APBB1IP: variants seen among roughly 807,000 people sequenced by gnomAD.
APBB1IP encodes the protein amyloid beta A4 precursor protein-binding family B member 1-interacting protein.
Under a neutral mutation model 64.9 loss-of-function variants are expected in APBB1IP, and 27 were observed. The ratio of observed to expected loss-of-function variants is 0.42; its 90% CI spans 0.31 to 0.57. The LOEUF is 0.57. Ranked by LOEUF, APBB1IP falls within the 20% of genes least tolerant of loss-of-function variation. APBB1IP has a pLI of 0.20. For synonymous variants in APBB1IP, 392 were observed against 331.0 expected (o/e 1.18, Z -2.00); for missense variants, 812 against 845.5 (o/e 0.96, Z 0.49).
chr10:26,510,569 C>A (rs1422485294), intron 6 of APBB1IP, among the ~76,000 whole-genome samples: 6 of 151,896 alleles, frequency 4.0e-5, no homozygotes, highest in Non-Finnish European at 8.8e-5. Flanking sequence ...CTTGCCTCTA[C>A]AAAAAAATGA....
chr10:26,513,463 C>T (rs1836285990), intron 7 of APBB1IP, 76 bp from the exon 8 acceptor site: 6 of 1,551,574 alleles, frequency 3.9e-6, no homozygotes, highest in Non-Finnish European at 5.3e-6. Flanking sequence ...GAAGCATTAA[C>T]TCAATAATAG....
rs546739307 is a variant in APBB1IP at position 26,541,534 on chromosome 10, G to A, written c.1045-48G>A. The A allele has an allele frequency of 5.5e-6, 7 of 1,279,480 alleles. No homozygotes were observed. The African/African-American group carries it at 7.4e-5, about 14-fold the overall frequency. The allele number at this position is 1,279,480 out of a possible 1,614,324, so 79.3% of individuals were successfully genotyped here. On this transcript the variant is annotated intron_variant, in intron 10 of 14. Transcript: ENST00000376236. ...CTATGAAGGACAACTCTGGAAAATT[G>A]TTAACTGTCATCTCAGTTGAAGTTT...
At chr10:26,559,090 T>C (rs2132482522) in intron 11 of APBB1IP, among the ~76,000 whole-genome samples, 1 of 152,316 alleles carries the variant, frequency 6.6e-6, no homozygotes, top group African/African-American at 2.4e-5. Context: ...TTGGGAGTTA[T>C]AAACCCACAA....
chr10:26,467,808 A>G (rs917401030), intron 2 of APBB1IP, among the ~76,000 whole-genome samples: 1 of 152,230 alleles, frequency 6.6e-6, no homozygotes, highest in Non-Finnish European at 1.5e-5. Context: ...GAGAAAATGT[A>G]GAACCAAACC....
At position 26,560,926 on chromosome 10, in the gene APBB1IP, C is replaced by T. The variant is rs1376183654; in HGVS notation, c.1369+82C>T. The T allele has an allele frequency of 5.7e-6, 6 of 1,052,340 alleles. No homozygotes were observed. The Admixed American group carries it at 1.0e-4, about 18-fold the overall frequency. The allele number at this position is 1,052,340 out of a possible 1,614,324, so 65.2% of individuals were successfully genotyped here. A position where few individuals can be genotyped will look rare whatever the true frequency, so the allele number is the denominator to read the frequency against. ...AATGTATCCAATACATCTATACAAA[C>T]AGGACTTTGTACACAGCATTCAGAA... is the stretch of plus-strand genomic sequence containing the variant. On this transcript the variant is annotated intron_variant, in intron 13 of 14. Coordinates refer to ENST00000376236, the MANE Select transcript of APBB1IP (RefSeq NM_019043.4).
At chr10:26,463,879 T>A (rs1835620680) in intron 2 of APBB1IP, among the ~76,000 whole-genome samples, 1 of 152,200 alleles carries the variant, frequency 6.6e-6, no homozygotes. Context: ...TTTGTCCTAA[T>A]GTTCCCCGCC....
At chr10:26,514,763 G>A (rs1319137474) in intron 8 of APBB1IP, among the ~76,000 whole-genome samples, 2 of 151,938 alleles carry the variant, frequency 1.3e-5, no homozygotes, top group Non-Finnish European at 2.9e-5. Flanking sequence ...TATTTTCTGG[G>A]TTTTCCCTAG....
At chr10:26,557,247 A>C (rs776025308) in intron 11 of APBB1IP, among the ~76,000 whole-genome samples, 3 of 152,200 alleles carry the variant, frequency 2.0e-5, no homozygotes, top group Non-Finnish European at 4.4e-5. Flanking sequence ...CAGCCATTCA[A>C]AAGTGTTTGC....
At chr10:26,550,582 C>T (rs952614963) in intron 11 of APBB1IP, among the ~76,000 whole-genome samples, 2 of 151,984 alleles carry the variant, frequency 1.3e-5, no homozygotes, top group African/African-American at 4.8e-5. Flanking sequence ...TACTTTTCAG[C>T]TCTAGGATTT....
chr10:26,474,375 C>A (rs112162197), intron 2 of APBB1IP, among the ~76,000 whole-genome samples: 49 of 152,308 alleles, frequency 3.2e-4, no homozygotes, highest in African/African-American at 1.1e-3. Context: ...CCCCTCTGGG[C>A]TCCTGGAAGT....
intron 11 of APBB1IP, among the ~76,000 whole-genome samples, chr10:26,547,183 G>C (rs985475214): frequency 1.3e-5 from 2 of 152,136 alleles, no homozygotes; most frequent in Non-Finnish European, 2.9e-5. Flanking sequence ...TATTGGCCCT[G>C]TGTATGTCTT....
chr10:26,452,200 A>T (rs1432790950), intron 2 of APBB1IP, among the ~76,000 whole-genome samples: 1 of 152,242 alleles, frequency 6.6e-6, no homozygotes, highest in African/African-American at 2.4e-5. Flanking sequence ...AAACCTTAAA[A>T]AGGTGTTCCA....
intron 2 of APBB1IP, among the ~76,000 whole-genome samples, chr10:26,440,716 C>G (rs1363616027): frequency 1.3e-5 from 2 of 151,986 alleles, no homozygotes; most frequent in African/African-American, 4.8e-5. Context: ...ATTTTTATAT[C>G]CTAAGAATGT....
At position 26,492,440 on chromosome 10, in the gene APBB1IP, A is replaced by T. The variant is rs377099897; in HGVS notation, c.72+42A>T. On this transcript the variant is annotated intron_variant, in intron 3 of 14. Transcript: ENST00000376236. Reference sequence around the variant, plus strand: ...AACTGGCAAATTGGAAAACAAAAATAGAGTTGCAGAATTTCATTGTAATAT... The same window carrying T: ...AACTGGCAAATTGGAAAACAAAAATTGAGTTGCAGAATTTCATTGTAATAT... The T allele has an allele frequency of 1.4e-3, 2,232 of 1,570,850 alleles. 41 individuals are homozygous for T. The South Asian group carries it at 0.023, about 16-fold the overall frequency.
At chr10:26,469,819 T>C (rs1199451870) in intron 2 of APBB1IP, among the ~76,000 whole-genome samples, 1 of 152,222 alleles carries the variant, frequency 6.6e-6, no homozygotes, top group Non-Finnish European at 1.5e-5. Flanking sequence ...TCTATATCCA[T>C]GAGTACGTGA....
intron 2 of APBB1IP, among the ~76,000 whole-genome samples, chr10:26,485,885 A>G (rs192183151): frequency 6.6e-6 from 1 of 152,246 alleles, no homozygotes; most frequent in Admixed American, 6.5e-5. Flanking sequence ...TTTAAAGGGA[A>G]TAGCATATAC....
chr10:26,492,178 A>T, intron 2 of APBB1IP, 149 bp from the exon 3 acceptor site: 1 of 583,206 alleles, frequency 1.7e-6, no homozygotes, highest in Non-Finnish European at 3.0e-6. Flanking sequence ...ATGAAATTTC[A>T]GGCTAACATA....
chr10:26,527,844 C>T (rs1410593707), intron 8 of APBB1IP, among the ~76,000 whole-genome samples: 1 of 152,006 alleles, frequency 6.6e-6, no homozygotes, highest in Admixed American at 6.6e-5. Context: ...AGGCATGTGC[C>T]ACCAGGCCCG....
chr10:26,559,625 T>TC (rs1174366603), intron 11 of APBB1IP, among the ~76,000 whole-genome samples: 1 of 144,168 alleles, frequency 6.9e-6, no homozygotes, highest in Non-Finnish European at 1.5e-5. Context: ...TTTCTTTCTT[T>TC]TTTTTTTTTT....
Sources: gnomAD v4.1 joint callset for allele counts (sites outside exome capture counted in the v4.1 genomes callset) on GRCh38, gnomAD v4.1.1 for gene constraint, MANE v1.5 for transcripts, NCBI Gene and HGNC (gene_info 2026-07-23, HGNC 2026-07-21) for gene names.